The following PPP1R12A variants were observed in gnomAD, a reference collection of about 807,000 sequenced individuals.
PPP1R12A encodes myosin binding subunit.
A neutral mutation model predicts 139.6 loss-of-function variants in PPP1R12A; 19 were observed. The observed-to-expected ratio is 0.14, with a 90% confidence interval of 0.09 to 0.20. PPP1R12A has a LOEUF of 0.20. PPP1R12A is among the 10% of genes least tolerant of loss of function. The pLI is 1.00. For missense variants in PPP1R12A, 925 were observed against 1,211.5 expected (o/e 0.76, Z 3.51); for synonymous variants, 427 against 420.6 (o/e 1.02, Z -0.19).
At chr12:79,864,653 C>T (rs1176144563) in intron 2 of PPP1R12A, among the ~76,000 whole-genome samples, 1 of 152,086 alleles carries the variant, frequency 6.6e-6, no homozygotes, top group East Asian at 1.9e-4. Flanking sequence ...ACCACCAATC[C>T]CATAGAAATA....
chr12:79,871,156 T>C (rs980606692), intron 2 of PPP1R12A, among the ~76,000 whole-genome samples: 5 of 152,198 alleles, frequency 3.3e-5, no homozygotes, highest in Non-Finnish European at 5.9e-5. Context: ...CATCACTGAG[T>C]GGCTTAATAA....
chr12:79,866,911 C>T (rs546516800), intron 2 of PPP1R12A, among the ~76,000 whole-genome samples: 15 of 152,246 alleles, frequency 9.9e-5, no homozygotes, highest in African/African-American at 2.9e-4. Context: ...GACAGTGTGG[C>T]GATTCCGCAA....
intron 1 of PPP1R12A, among the ~76,000 whole-genome samples, chr12:79,879,706 G>C (rs1306975904): frequency 6.6e-6 from 1 of 152,114 alleles, no homozygotes; most frequent in Non-Finnish European, 1.5e-5. Context: ...TAAATCTGTG[G>C]GAGAATGACA....
intron 14 of PPP1R12A, among the ~76,000 whole-genome samples, chr12:79,800,695 A>G (rs1873011518): frequency 6.7e-6 from 1 of 149,738 alleles, no homozygotes; most frequent in Non-Finnish European, 1.5e-5. Context: ...TCAAAACCCC[A>G]GGCAATGATC....
Position 79,877,079 on chromosome 12 carries a change from T to C in PPP1R12A, c.238-4141A>G, listed in dbSNP as rs144245993. 5.0e-3 allele frequency among the ~76,000 whole-genome samples: 768 copies of C among 152,314 alleles called. 4 individuals are homozygous for C. Among genetic ancestry groups the C allele is most frequent in the African/African-American group, 0.018 (728 of 41,560 alleles). ...TGGTTTTAGGTTCTAGTTCTGGCTC[T>C]GCCACAAATTTTGTGGCTGTGAACA... On this transcript the variant is annotated intron_variant, in intron 1 of 24. Coordinates refer to ENST00000450142, the MANE Select transcript of PPP1R12A (RefSeq NM_002480.3).
chr12:79,810,998 T>C (rs1284678858), intron 9 of PPP1R12A, among the ~76,000 whole-genome samples: 1 of 152,192 alleles, frequency 6.6e-6, no homozygotes, highest in Non-Finnish European at 1.5e-5. Context: ...TTTTAAGGGC[T>C]TTCCAACAAC....
chr12:79,777,350 T>C (rs1869861883), intron 24 of PPP1R12A: 2 of 982,546 alleles, frequency 2.0e-6, no homozygotes, highest in African/African-American at 1.7e-5. Context: ...AATTGCAATA[T>C]ACAATTAGTG....
intron 2 of PPP1R12A, among the ~76,000 whole-genome samples, chr12:79,852,342 C>CA (rs1880151413): frequency 6.6e-6 from 1 of 151,958 alleles, no homozygotes; most frequent in South Asian, 2.1e-4. Flanking sequence ...AGGCATGTGC[C>CA]ATCACGCCTG....
intron 3 of PPP1R12A, among the ~76,000 whole-genome samples, chr12:79,836,913 T>C (rs114586938): frequency 2.0e-3 from 304 of 152,292 alleles, no homozygotes; most frequent in African/African-American, 6.0e-3. Flanking sequence ...GGGTAGACAA[T>C]CTATGCTATG....
chr12:79,830,935 T>C (rs1225333997), intron 4 of PPP1R12A, among the ~76,000 whole-genome samples: 1 of 152,190 alleles, frequency 6.6e-6, no homozygotes, highest in Non-Finnish European at 1.5e-5. Flanking sequence ...GAAGAATCTA[T>C]GTACTAAGTT....
intron 2 of PPP1R12A, among the ~76,000 whole-genome samples, chr12:79,848,556 G>A (rs1879675403): frequency 6.6e-6 from 1 of 152,096 alleles, no homozygotes; most frequent in Non-Finnish European, 1.5e-5. Flanking sequence ...AGGATGTTAA[G>A]AGAAACTAAC....
intron 3 of PPP1R12A, among the ~76,000 whole-genome samples, chr12:79,840,869 A>G (rs2137189330): frequency 1.3e-5 from 2 of 152,230 alleles, no homozygotes; most frequent in South Asian, 4.1e-4. Flanking sequence ...GCTTGGAGAT[A>G]TTTGCTGCAT....
At chr12:79,877,196 T>C (rs1476055486) in intron 1 of PPP1R12A, among the ~76,000 whole-genome samples, 1 of 152,164 alleles carries the variant, frequency 6.6e-6, no homozygotes, top group Non-Finnish European at 1.5e-5. Context: ...TTCCCTACCA[T>C]ATTTAAAATT....
At chr12:79,841,308 C>G (rs1235539582) in intron 3 of PPP1R12A, among the ~76,000 whole-genome samples, 3 of 152,190 alleles carry the variant, frequency 2.0e-5, no homozygotes, top group Non-Finnish European at 4.4e-5. Flanking sequence ...CCAACTCCCT[C>G]TAAATGTCAT....
intron 1 of PPP1R12A, among the ~76,000 whole-genome samples, chr12:79,897,182 A>C (rs1438686169): frequency 6.6e-6 from 1 of 152,242 alleles, no homozygotes; most frequent in Non-Finnish European, 1.5e-5. Flanking sequence ...TATTAAACAT[A>C]CACACCATGG....
intron 24 of PPP1R12A, among the ~76,000 whole-genome samples, chr12:79,778,014 G>A (rs924543299): frequency 6.6e-6 from 1 of 152,070 alleles, no homozygotes; most frequent in African/African-American, 2.4e-5. Flanking sequence ...GGACAGTGTG[G>A]TAAGAGGTAA....
intron 24 of PPP1R12A, chr12:79,777,434 G>A: frequency 1.0e-5 from 10 of 984,848 alleles, no homozygotes; most frequent in Non-Finnish European, 1.2e-5. Context: ...GCATTAATTT[G>A]TAAAAGTGAG....
chr12:79,871,733 A>G (rs1882592169), intron 2 of PPP1R12A, among the ~76,000 whole-genome samples: 1 of 152,126 alleles, frequency 6.6e-6, no homozygotes, highest in Non-Finnish European at 1.5e-5. Flanking sequence ...TCTTCTGTTG[A>G]GCAGGAAAAG....
At chr12:79,842,051 C>T (rs1320836534) in intron 3 of PPP1R12A, among the ~76,000 whole-genome samples, 3 of 151,774 alleles carry the variant, frequency 2.0e-5, no homozygotes, top group African/African-American at 2.4e-5. Flanking sequence ...TAGATGCGGT[C>T]GCTCATGCCT....
Sources: gnomAD v4.1 joint callset for allele counts (sites outside exome capture counted in the v4.1 genomes callset) on GRCh38, gnomAD v4.1.1 for gene constraint, MANE v1.5 for transcripts, NCBI Gene and HGNC (gene_info 2026-07-23, HGNC 2026-07-21) for gene names.